Variants in COL11A1 observed in about 807,000 individuals in gnomAD.
COL11A1 encodes the protein collagen type XI alpha 1 chain.
Under a neutral mutation model 265.2 loss-of-function variants are expected in COL11A1, and 74 were observed. The observed-to-expected ratio is 0.28, with a 90% CI of 0.23 to 0.34. The LOEUF is 0.34. COL11A1 is among the 10% of genes least tolerant of loss of function. COL11A1 has a pLI of 1.00. For missense variants in COL11A1, 2,165 were observed against 2,263.6 expected, an observed-to-expected ratio of 0.96 and a Z score of 0.88; for synonymous variants, 816 against 727.6, an observed-to-expected ratio of 1.12 and a Z score of -1.96.
intron 57 of COL11A1, among the ~76,000 whole-genome samples, chr1:102,891,111 C>A (rs900790077): frequency 1.3e-5 from 2 of 151,946 alleles, no homozygotes; most frequent in African/African-American, 2.4e-5. Flanking sequence ...TAGGCCATGG[C>A]CAATTTTCTG....
At chr1:103,104,759 C>T (rs1226033193) in intron 1 of COL11A1, among the ~76,000 whole-genome samples, 1 of 152,136 alleles carries the variant, frequency 6.6e-6, no homozygotes, top group East Asian at 1.9e-4. Context: ...ATTTAAAAAA[C>T]AAATGGAAAG....
At chr1:103,017,108 T>C (rs1003397028) in intron 11 of COL11A1, among the ~76,000 whole-genome samples, 1 of 152,090 alleles carries the variant, frequency 6.6e-6, no homozygotes, top group African/African-American at 2.4e-5. Flanking sequence ...ACTAACTTTA[T>C]GAACTTTATT....
chr1:102,966,813 T>A (rs1661442854), intron 37 of COL11A1, among the ~76,000 whole-genome samples: 1 of 152,152 alleles, frequency 6.6e-6, no homozygotes, highest in South Asian at 2.1e-4. Flanking sequence ...GATGAACTCC[T>A]CCATTCCCAA....
intron 41 of COL11A1, among the ~76,000 whole-genome samples, chr1:102,954,451 G>T (rs1276039463): frequency 6.6e-6 from 1 of 152,082 alleles, no homozygotes; most frequent in Non-Finnish European, 1.5e-5. Context: ...TTAAGATGCC[G>T]CCCACTAGAG....
chr1:103,007,689 C>A (rs141448842), intron 15 of COL11A1, among the ~76,000 whole-genome samples: 1 of 151,930 alleles, frequency 6.6e-6, no homozygotes, highest in African/African-American at 2.4e-5. Flanking sequence ...GAAACCCCAA[C>A]TCTAGAAAAA....
At chr1:102,889,416 T>C (rs956114369) in intron 59 of COL11A1, 39 bp downstream of exon 59, 6 of 1,375,254 alleles carry the variant, frequency 4.4e-6, no homozygotes, top group Non-Finnish European at 5.2e-6. Context: ...TGTGTATTAT[T>C]GGAAATGAGT....
At chr1:102,985,356 T>A (rs12125432) in intron 30 of COL11A1, among the ~76,000 whole-genome samples, 1 of 151,976 alleles carries the variant, frequency 6.6e-6, no homozygotes, top group Non-Finnish European at 1.5e-5. Flanking sequence ...CAGATTGAAC[T>A]AAAGAGTTGT....
chr1:103,014,434 A>T, intron 13 of COL11A1, 77 bp downstream of exon 13: 1 of 1,154,792 alleles, frequency 8.7e-7, no homozygotes, highest in Non-Finnish European at 1.3e-6. Flanking sequence ...TAATGGTAGC[A>T]TCTTCCGTAT....
chr1:103,023,483 G>A (rs1283437266), intron 7 of COL11A1, among the ~76,000 whole-genome samples: 1 of 151,352 alleles, frequency 6.6e-6, no homozygotes, highest in African/African-American at 2.4e-5. Context: ...TCAGCCTCCC[G>A]AGTAGCTAGG....
At position 102,917,934 on chromosome 1, in the gene COL11A1, T is replaced by A. The variant is rs566033176; in HGVS notation, c.3763-2250A>T. Among the ~76,000 whole-genome samples the A allele has an allele frequency of 4.0e-5, 6 of 151,750 alleles. No individual in the cohort carries two copies. The East Asian group carries it at 9.7e-4, about 24-fold the overall frequency. On this transcript the variant is annotated intron_variant, in intron 49 of 66. Coordinates refer to ENST00000370096, the MANE Select transcript of COL11A1 (RefSeq NM_001854.4). The stretch of plus-strand genomic sequence containing the variant: ...GAAAACTACCATTTAGTATGTTAGA[T>A]CCAAGTGTGCACAATGTAAAATGAC...
intron 4 of COL11A1, among the ~76,000 whole-genome samples, chr1:103,071,843 A>G (rs1455494688): frequency 7.3e-6 from 1 of 137,682 alleles, no homozygotes; most frequent in African/African-American, 2.7e-5. Flanking sequence ...TTAACATACA[A>G]CCACATTTAT....
chr1:103,021,949 C>T (rs1437076632), intron 8 of COL11A1, among the ~76,000 whole-genome samples, 180 bp from the exon 9 acceptor site: 3 of 151,632 alleles, frequency 2.0e-5, no homozygotes, highest in African/African-American at 7.3e-5. Flanking sequence ...CGGGTTCACG[C>T]CATTCTCCTG....
chr1:102,916,019 A>G (rs1655299543), intron 49 of COL11A1, among the ~76,000 whole-genome samples: 1 of 152,166 alleles, frequency 6.6e-6, no homozygotes, highest in South Asian at 2.1e-4. Context: ...CAATATTCAT[A>G]TTACAATAAA....
At position 102,877,634 on chromosome 1, in the gene COL11A1, A is replaced by G. The variant is rs1026877388; in HGVS notation, c.*385T>C. 1 of 196,270 alleles carries G rather than the reference A, an allele frequency of 5.1e-6. No homozygotes were observed. The highest frequency in any genetic ancestry group is 2.4e-5 in the African/African-American group (1 of 42,196). The allele number at this position is 196,270 out of a possible 1,614,324, so 12.2% of individuals were successfully genotyped here. On this transcript the variant is annotated 3_prime_UTR_variant, in exon 67 of 67. Coordinates refer to ENST00000370096, the MANE Select transcript of COL11A1 (RefSeq NM_001854.4). ...AGATAACAGTATAGAACTGTACACA[A>G]AATAATTACAATTTATTAAACACAC...
At chr1:102,979,288 G>A (rs1662807470) in intron 32 of COL11A1, 94 bp downstream of exon 32, 2 of 1,252,720 alleles carry the variant, frequency 1.6e-6, no homozygotes, top group Non-Finnish European at 2.3e-6. Context: ...TCCTCCACCT[G>A]AGCCTCACAA....
At chr1:102,917,568 T>C (rs574655934) in intron 49 of COL11A1, among the ~76,000 whole-genome samples, 6 of 151,982 alleles carry the variant, frequency 3.9e-5, no homozygotes, top group African/African-American at 1.4e-4. Context: ...CATTAATTCA[T>C]GGTAACATCA....
Position 102,940,365 on chromosome 1 carries a change from C to G in COL11A1, c.3346G>C (p.Ala1116Pro), listed in dbSNP as rs1658594063. ...TCCCCAGGGGAGCCGGCAGGACCAG[C>G]TGGCCCTGGGAGACCAACAGGACCT... ...VQGPVGLPGP[A>P]GPAGSPGEDG... The change falls in exon 43 of 67, where the codon GCT becomes CCT. Residue 1116 changes from alanine (A) to proline (P), a missense_variant. By Grantham distance (27) the Ala-to-Pro change is conservative (BLOSUM62 -1). Coordinates refer to ENST00000370096, the MANE Select transcript of COL11A1 (RefSeq NM_001854.4). The G allele has an allele frequency of 6.2e-7, 1 of 1,613,908 alleles. No individual in the cohort carries two copies. Among genetic ancestry groups the G allele is most frequent in the Non-Finnish European group, 8.5e-7 (1 of 1,179,972 alleles).
intron 4 of COL11A1, among the ~76,000 whole-genome samples, chr1:103,059,705 T>A (rs991696325): frequency 2.0e-5 from 3 of 151,968 alleles, no homozygotes; most frequent in African/African-American, 7.3e-5. Context: ...ATGCTGTAGA[T>A]AAAAAACACC....
At chr1:102,967,227 C>CTTTATTTTTT (rs1661488202) in intron 37 of COL11A1, among the ~76,000 whole-genome samples, 1 of 52,756 alleles carries the variant, frequency 1.9e-5, no homozygotes, top group Non-Finnish European at 3.1e-5. Flanking sequence ...ATAATAAATT[C>CTTTATTTTTT]TTTTTTTTTT....
Sources: allele counts gnomAD v4.1 joint callset (sites outside exome capture counted in the v4.1 genomes callset), GRCh38; gene constraint gnomAD v4.1.1; transcripts MANE v1.5; gene names NCBI Gene and HGNC (gene_info 2026-07-23, HGNC 2026-07-21).